The following KIAA1549L variants were observed in gnomAD, a reference collection of about 807,000 sequenced individuals.
KIAA1549L encodes the protein KIAA1549 like, also known as UPF0606 protein KIAA1549L.
A neutral mutation model predicts 160.7 loss-of-function variants in KIAA1549L; 88 were observed. The observed-to-expected ratio is 0.55, with a 90% CI of 0.46 to 0.65. The LOEUF is 0.65. Among genes scored for constraint, KIAA1549L ranks in the 30% least tolerant of loss-of-function variants. The pLI is 0.00. For synonymous variants in KIAA1549L, 950 were observed against 976.7 expected (o/e 0.97, Z 0.51); for missense variants, 2,258 against 2,437.5 (o/e 0.93, Z 1.55).
intron 1 of KIAA1549L, among the ~76,000 whole-genome samples, chr11:33,386,408 T>C (rs2761211): frequency 0.68 from 103,095 of 152,116 alleles, 35,181 homozygotes; most frequent in Middle Eastern, 0.71. Context: ...TGGCCAGATG[T>C]GGTGGCTCAT....
chr11:33,561,246 T>C (rs1032575209), intron 7 of KIAA1549L, among the ~76,000 whole-genome samples: 1 of 152,234 alleles, frequency 6.6e-6, no homozygotes, highest in Non-Finnish European at 1.5e-5. Context: ...GCTGTGGGTC[T>C]TGATAAAGAA....
intron 1 of KIAA1549L, among the ~76,000 whole-genome samples, chr11:33,455,518 T>C (rs897329818): frequency 6.6e-6 from 1 of 152,072 alleles, no homozygotes; most frequent in Non-Finnish European, 1.5e-5. Context: ...TACCTTTTGG[T>C]GTTAGTTTCT....
Position 33,606,098 on chromosome 11 carries a change from A to T in KIAA1549L, c.4880-543A>T, listed in dbSNP as rs1850492341. On this transcript the variant is annotated intron_variant, in intron 13 of 20. Coordinates refer to ENST00000658780, the MANE Select transcript of KIAA1549L (RefSeq NM_012194.3). Reference sequence around the variant, plus strand: ...TTTTAGACAAATAAACCAAAACCCAAATCACTGGGGAAACAACCTTCAGAA... The same window carrying T: ...TTTTAGACAAATAAACCAAAACCCATATCACTGGGGAAACAACCTTCAGAA... Among the ~76,000 whole-genome samples the T allele has an allele frequency of 2.0e-5, 3 of 151,878 alleles. No individual in the cohort carries two copies. The South Asian group carries it at 6.3e-4, about 32-fold the overall frequency.
intron 16 of KIAA1549L, among the ~76,000 whole-genome samples, chr11:33,642,273 AG>A (rs772519096): frequency 5.3e-5 from 8 of 152,326 alleles, no homozygotes; most frequent in Admixed American, 4.6e-4. Context: ...GAAATGTGTT[AG>A]GGAAAGTGGG....
chr11:33,465,361 ACCTTCTT>A (rs1852034914), intron 1 of KIAA1549L, among the ~76,000 whole-genome samples: 1 of 151,728 alleles, frequency 6.6e-6, no homozygotes, highest in Non-Finnish European at 1.5e-5. Context: ...GCCCCAGGGG[ACCTTCTT>A]GTCTTCCTTC....
chr11:33,566,076 T>A (rs1490205363), intron 8 of KIAA1549L, among the ~76,000 whole-genome samples: 1 of 152,158 alleles, frequency 6.6e-6, no homozygotes, highest in Non-Finnish European at 1.5e-5. Context: ...TTTTGAACAT[T>A]TTTAAGTGTG....
At position 33,669,979 on chromosome 11, in the gene KIAA1549L, AGTT is replaced by A. The variant is rs755077490; in HGVS notation, c.*1831_*1833del. 1.1e-4 allele frequency: 17 copies of A among 152,238 alleles called. No homozygotes were observed. The highest frequency in any genetic ancestry group is 2.4e-4 in the Non-Finnish European group (16 of 68,044). 9.4% of individuals were successfully genotyped at this position (152,238 alleles called of 1,614,324 possible). A position where few individuals can be genotyped will look rare whatever the true frequency, so the allele number is the denominator to read the frequency against. On this transcript the variant is annotated 3_prime_UTR_variant, in exon 21 of 21. Transcript: ENST00000658780. The stretch of plus-strand genomic sequence containing the variant: ...ATATGGTATATTTCTATCAATGGCC[AGTT>A]GTTGTAGTCCAAAACCTAAATCAGT...
chr11:33,622,786 A>G (rs1850995137), intron 16 of KIAA1549L, among the ~76,000 whole-genome samples: 2 of 152,232 alleles, frequency 1.3e-5, no homozygotes, highest in African/African-American at 2.4e-5. Context: ...ATACTCAGGA[A>G]GCAGTTGGGG....
chr11:33,536,436 A>G (rs751429256), intron 1 of KIAA1549L, among the ~76,000 whole-genome samples: 5 of 152,098 alleles, frequency 3.3e-5, no homozygotes, highest in Admixed American at 6.5e-5. Context: ...GGGACTGTGG[A>G]TTGGAGTGGT....
chr11:33,446,446 G>T (rs900341972), intron 1 of KIAA1549L, among the ~76,000 whole-genome samples: 20 of 152,090 alleles, frequency 1.3e-4, no homozygotes, highest in Non-Finnish European at 1.5e-5. Context: ...GAACTCTGTG[G>T]TTGGTGTATT....
intron 16 of KIAA1549L, among the ~76,000 whole-genome samples, chr11:33,630,454 C>T (rs534665318): frequency 3.3e-5 from 5 of 152,088 alleles, no homozygotes; most frequent in Admixed American, 2.0e-4. Flanking sequence ...TAGGCCCCTC[C>T]GAGCCAGGTG....
intron 16 of KIAA1549L, among the ~76,000 whole-genome samples, chr11:33,622,491 C>A (rs763676902): frequency 5.5e-4 from 84 of 152,288 alleles, no homozygotes; most frequent in Non-Finnish European, 1.0e-3. Context: ...CCCCACAGAA[C>A]CAGAGTTAAG....
chr11:33,463,183 G>A (rs2615916), intron 1 of KIAA1549L, among the ~76,000 whole-genome samples: 46,719 of 151,806 alleles, frequency 0.31, 7,949 homozygotes, highest in African/African-American at 0.46. Context: ...TATTTGCCTC[G>A]TTTGGGTTAC....
Position 33,618,015 on chromosome 11 carries a change from C to T in KIAA1549L, c.5280-518C>T, listed in dbSNP as rs192890474. On this transcript the variant is annotated intron_variant, in intron 15 of 20. Transcript: ENST00000658780. ...CATCTGGGTTTATGGCTTCTTAGTCCGGAAGGAAATCTACTGTGGTAATAG... is the reference window on the plus strand; with the variant it reads ...CATCTGGGTTTATGGCTTCTTAGTCTGGAAGGAAATCTACTGTGGTAATAG... 2.8e-3 allele frequency among the ~76,000 whole-genome samples: 433 copies of T among 152,190 alleles called. 3 individuals are homozygous for T. The highest frequency in any genetic ancestry group is 3.4e-3 in the Middle Eastern group (1 of 294).
intron 16 of KIAA1549L, among the ~76,000 whole-genome samples, chr11:33,625,020 G>C: frequency 6.6e-6 from 1 of 150,736 alleles, no homozygotes; most frequent in Non-Finnish European, 1.5e-5. Context: ...TTAGTTTTTT[G>C]TTCTTGCGAT....
At chr11:33,647,182 C>G (rs181794210) in intron 17 of KIAA1549L, among the ~76,000 whole-genome samples, 1 of 152,008 alleles carries the variant, frequency 6.6e-6, no homozygotes, top group South Asian at 2.1e-4. Flanking sequence ...CTCAAGAGTT[C>G]GAGACCAGTC....
chr11:33,555,681 A>G (rs1216439640), intron 6 of KIAA1549L, among the ~76,000 whole-genome samples: 1 of 152,250 alleles, frequency 6.6e-6, no homozygotes, highest in Non-Finnish European at 1.5e-5. Flanking sequence ...TCAAAGATCT[A>G]AATGTAATAT....
chr11:33,578,468 C>T (rs1855527906), intron 10 of KIAA1549L, among the ~76,000 whole-genome samples: 1 of 152,192 alleles, frequency 6.6e-6, no homozygotes, highest in East Asian at 1.9e-4. Context: ...CCCACTTGGA[C>T]CATGGCAGTA....
chr11:33,614,602 T>A (rs1471103721), intron 15 of KIAA1549L, among the ~76,000 whole-genome samples: 2 of 65,600 alleles, frequency 3.0e-5, no homozygotes, highest in East Asian at 4.4e-4. Flanking sequence ...TTTTTTTTTT[T>A]TTTTTTTTTT....
Sources: gnomAD v4.1 joint callset for allele counts (sites outside exome capture counted in the v4.1 genomes callset) on GRCh38, gnomAD v4.1.1 for gene constraint, MANE v1.5 for transcripts, NCBI Gene and HGNC (gene_info 2026-07-23, HGNC 2026-07-21) for gene names.